Variants in MCOLN2 observed in about 807,000 individuals in gnomAD.
The protein encoded by MCOLN2 is mucolipin-2.
In MCOLN2, 57 loss-of-function variants were observed where a neutral mutation model predicts 67.5. The ratio of observed to expected loss-of-function variants is 0.84; its 90% confidence interval spans 0.68 to 1.05. The LOEUF is 1.05. MCOLN2 is among the 50% of genes least tolerant of loss of function. The pLI is 0.00. For synonymous variants in MCOLN2, 246 were observed against 233.3 expected, an observed-to-expected ratio of 1.05 and a Z score of -0.50; for missense variants, 620 against 678.8, an observed-to-expected ratio of 0.91 and a Z score of 0.96.
chr1:84,943,035 G>A (rs112466432), intron 7 of MCOLN2, among the ~76,000 whole-genome samples: 30 of 152,208 alleles, frequency 2.0e-4, no homozygotes, highest in African/African-American at 6.5e-4. Flanking sequence ...AACAGAAAAC[G>A]GACTAAGACA....
At chr1:84,996,728 T>A in intron 1 of MCOLN2, 68 bp downstream of exon 1, 1 of 1,428,656 alleles carries the variant, frequency 7.0e-7, no homozygotes. Flanking sequence ...TCTACGAAAG[T>A]AAAGCCATCG....
rs761430279 is a variant in MCOLN2 at position 84,947,146 on chromosome 1, T to C, written c.748-14A>G. ...GTCAAAGATAATCTGGAGACACAAA[T>C]GTATAGCGAGATTACAACACAGAAG... On this transcript the variant is annotated splice_polypyrimidine_tract_variant and intron_variant, in intron 6 of 13. Transcript: ENST00000370608. The C allele has an allele frequency of 7.7e-6, 10 of 1,292,688 alleles. No individual in the cohort carries two copies. The highest frequency in any genetic ancestry group is 1.1e-5 in the Non-Finnish European group (10 of 890,090). The allele number at this position is 1,292,688 out of a possible 1,614,324, so 80.1% of individuals were successfully genotyped here. A position where few individuals can be genotyped will look rare whatever the true frequency, so the allele number is the denominator to read the frequency against.
intron 13 of MCOLN2, among the ~76,000 whole-genome samples, chr1:84,927,326 T>C (rs1661213444): frequency 6.6e-6 from 1 of 152,038 alleles, no homozygotes; most frequent in Non-Finnish European, 1.5e-5. Context: ...TATAAATTAC[T>C]AGAACAGCCA....
chr1:84,930,002 C>T (rs1328606063), intron 12 of MCOLN2, among the ~76,000 whole-genome samples: 1 of 151,868 alleles, frequency 6.6e-6, no homozygotes, highest in African/African-American at 2.4e-5. Context: ...ATGGCTCATG[C>T]CTGTAATCCC....
chr1:84,942,133 T>G (rs756113464), intron 7 of MCOLN2, among the ~76,000 whole-genome samples: 1 of 152,194 alleles, frequency 6.6e-6, no homozygotes, highest in South Asian at 2.1e-4. Flanking sequence ...AAGTTCCAAA[T>G]GAAAAATCTC....
Position 84,929,575 on chromosome 1 carries a change from G to A in MCOLN2, c.1647C>T (p.Cys549=). The change falls in exon 13 of 14, where the codon TGC becomes TGT. Residue 549 remains cysteine, a synonymous_variant. Transcript: ENST00000370608. ...ATACTGACCTCCTCCGACAGCAGAT[G>A]CAGGACAGGAAGGCTGAGGACTCTT... is the stretch of plus-strand genomic sequence containing the variant. ...YQKESSAFLS[C]ICCRRRKRSD... is the part of the protein sequence containing the mutation. 6.2e-7 allele frequency: 1 copy of A among 1,613,490 alleles called. No homozygotes were observed. Among genetic ancestry groups the A allele is most frequent in the Non-Finnish European group, 8.5e-7 (1 of 1,179,594 alleles).
chr1:84,996,881 C>T lies in MCOLN2; in HGVS notation c.-9G>A, dbSNP rs777068003. The T allele has an allele frequency of 6.2e-7, 1 of 1,613,576 alleles. No individual in the cohort carries two copies. Among genetic ancestry groups the T allele is most frequent in the Non-Finnish European group, 8.5e-7 (1 of 1,179,500 alleles). On this transcript the variant is annotated 5_prime_UTR_variant, in exon 1 of 14. Coordinates refer to ENST00000370608, the MANE Select transcript of MCOLN2 (RefSeq NM_153259.4). ...TAAGGCTGCCGGGCCATGCCTCCTC[C>T]TTCAAAACTTTCCAGGGCTCTCGGG...
At chr1:84,951,334 C>T (rs1222756495) in intron 6 of MCOLN2, among the ~76,000 whole-genome samples, 1 of 152,094 alleles carries the variant, frequency 6.6e-6, no homozygotes, top group African/African-American at 2.4e-5. Context: ...TTCAGCTAGG[C>T]ATTCAGTTTA....
At chr1:84,955,000 C>T (rs1648704342) in intron 4 of MCOLN2, among the ~76,000 whole-genome samples, 1 of 152,124 alleles carries the variant, frequency 6.6e-6, no homozygotes, top group Non-Finnish European at 1.5e-5. Context: ...TTTCCATAAT[C>T]CCCACATGTT....
intron 1 of MCOLN2, among the ~76,000 whole-genome samples, chr1:84,974,158 T>A (rs76120709): frequency 6.6e-6 from 1 of 152,266 alleles, no homozygotes; most frequent in Middle Eastern, 3.4e-3. Flanking sequence ...TCCCACAAAC[T>A]TCACCACTGC....
At chr1:84,990,096 G>C (rs370603670) in intron 1 of MCOLN2, among the ~76,000 whole-genome samples, 40 of 151,498 alleles carry the variant, frequency 2.6e-4, no homozygotes, top group African/African-American at 9.4e-4. Flanking sequence ...GGAGTTTGAG[G>C]CAAGTCTGGC....
intron 11 of MCOLN2, 60 bp downstream of exon 11, chr1:84,937,693 GAA>G (rs1647505200): frequency 9.4e-6 from 15 of 1,599,106 alleles, no homozygotes; most frequent in Non-Finnish European, 1.2e-5. Flanking sequence ...GTAAGTGCTA[GAA>G]ACCCACGTTC....
chr1:84,936,567 T>TA (rs781038905), intron 11 of MCOLN2, among the ~76,000 whole-genome samples: 3 of 152,094 alleles, frequency 2.0e-5, no homozygotes, highest in South Asian at 2.1e-4. Context: ...TGACATGGAG[T>TA]ATGAAGAGCA....
At chr1:84,987,588 A>ACATCTATGTATT in intron 1 of MCOLN2, among the ~76,000 whole-genome samples, 1 of 117,684 alleles carries the variant, frequency 8.5e-6, no homozygotes, top group Non-Finnish European at 1.8e-5. Context: ...ATAGATATAT[A>ACATCTATGTATT]CATATGTATA....
rs894168660 is a variant in MCOLN2 at position 84,938,200 on chromosome 1, T to TA, written c.1111-119dup. The TA allele has an allele frequency of 3.1e-4, 158 of 507,132 alleles. 1 individual carries two copies. Among genetic ancestry groups the TA allele is most frequent in the Non-Finnish European group, 9.0e-5 (27 of 298,698 alleles). The allele number at this position is 507,132 out of a possible 1,614,324, so 31.4% of individuals were successfully genotyped here. A position where few individuals can be genotyped will look rare whatever the true frequency, so the allele number is the denominator to read the frequency against. ...GAACTATCTGCCTCCCTATAGGTGATAGAGTTTTTTTTTGAAGAAAAAAAA... is the reference window on the plus strand; with the variant it reads ...GAACTATCTGCCTCCCTATAGGTGATAAGAGTTTTTTTTTGAAGAAAAAAAA... On this transcript the variant is annotated intron_variant, in intron 9 of 13. Transcript: ENST00000370608.
At chr1:84,965,807 A>T in intron 1 of MCOLN2, 99 bp from the exon 2 acceptor site, 23 of 998,154 alleles carry the variant, frequency 2.3e-5, no homozygotes, top group East Asian at 2.7e-5. Flanking sequence ...TACATATGGC[A>T]TGTCATATAC....
chr1:84,931,052 G>A (rs902639972), intron 12 of MCOLN2, among the ~76,000 whole-genome samples: 2 of 152,110 alleles, frequency 1.3e-5, no homozygotes, highest in African/African-American at 2.4e-5. Context: ...TCAATCCTAA[G>A]TTCCAGGCAG....
At position 84,996,991 on chromosome 1, in the gene MCOLN2, G is replaced by C. The variant is rs532664263; in HGVS notation, c.-119C>G. The C allele has an allele frequency of 2.3e-6, 2 of 881,362 alleles. No homozygotes were observed. The highest frequency in any genetic ancestry group is 1.7e-5 in the African/African-American group (1 of 59,806). The allele number at this position is 881,362 out of a possible 1,614,324, so 54.6% of individuals were successfully genotyped here. The stretch of plus-strand genomic sequence containing the variant: ...GCCGAAGTTGGAGCCCTGCAAAGCG[G>C]GGTTCCCTTCTCTTACCCTTTCTGC... On this transcript the variant is annotated 5_prime_UTR_variant, in exon 1 of 14. Transcript: ENST00000370608.
chr1:84,942,525 G>A (rs142471051), intron 7 of MCOLN2, among the ~76,000 whole-genome samples: 1 of 152,260 alleles, frequency 6.6e-6, no homozygotes, highest in East Asian at 1.9e-4. Flanking sequence ...CCATGAAACA[G>A]CCCCAGGAAA....
Sources: gnomAD v4.1 joint callset for allele counts (sites outside exome capture counted in the v4.1 genomes callset) on GRCh38, gnomAD v4.1.1 for gene constraint, MANE v1.5 for transcripts, NCBI Gene and HGNC (gene_info 2026-07-23, HGNC 2026-07-21) for gene names.